IQSEC1: variants seen among roughly 807,000 people sequenced by gnomAD.
IQSEC1 encodes IQ motif and Sec7 domain ArfGEF 1.
Under a neutral mutation model 91.0 loss-of-function variants are expected in IQSEC1, and 31 were observed. The ratio of observed to expected loss-of-function variants is 0.34; its 90% CI spans 0.26 to 0.46. The LOEUF (loss-of-function observed/expected upper bound fraction) is 0.46. Among genes scored for constraint, IQSEC1 ranks in the 20% least tolerant of loss-of-function variants. The pLI is 1.00. For synonymous variants in IQSEC1, 699 were observed against 662.6 expected (o/e 1.05, Z -0.84); for missense variants, 1,388 against 1,575.6 (o/e 0.88, Z 2.02).
At chr3:12,941,918 G>A (rs543282666) in intron 1 of IQSEC1, 53 bp from the exon 2 acceptor site, 25 of 1,482,096 alleles carry the variant, frequency 1.7e-5, no homozygotes, top group Middle Eastern at 2.4e-4. Context: ...ATCTGAACAC[G>A]ACACCGGGCC....
chr3:13,091,905 T>C (rs1705867456), intron 2 of IQSEC1, among the ~76,000 whole-genome samples: 1 of 148,686 alleles, frequency 6.7e-6, no homozygotes, highest in African/African-American at 2.5e-5. Flanking sequence ...TCCTCTTTGG[T>C]CTGGGAGGGC....
chr3:13,096,866 T>TTG (rs1315647329), intron 2 of IQSEC1, among the ~76,000 whole-genome samples: 2 of 147,614 alleles, frequency 1.4e-5, no homozygotes, highest in Admixed American at 1.3e-4. Flanking sequence ...CTTTCTTTCT[T>TTG]TTTTTTTTTT....
intron 1 of IQSEC1, among the ~76,000 whole-genome samples, chr3:13,192,349 A>G (rs1044076002): frequency 1.8e-4 from 28 of 151,972 alleles, no homozygotes; most frequent in African/African-American, 6.8e-4. Flanking sequence ...AAAAAAAAAA[A>G]AAAAAGAAAA....
intron 2 of IQSEC1, among the ~76,000 whole-genome samples, chr3:13,125,517 C>A (rs531434437): frequency 6.6e-6 from 1 of 152,352 alleles, no homozygotes; most frequent in South Asian, 2.1e-4. Context: ...GGGAACCAGC[C>A]CGCCAGAGCT....
chr3:12,904,020 G>A (rs539862871), intron 12 of IQSEC1, among the ~76,000 whole-genome samples: 9 of 152,214 alleles, frequency 5.9e-5, no homozygotes, highest in Non-Finnish European at 1.2e-4. Flanking sequence ...GTTGGGCCCA[G>A]GAGCCTGGAA....
Position 13,282,986 on chromosome 3 carries a change from C to T in IQSEC1, c.-4G>A, listed in dbSNP as rs1392525129. Among the ~76,000 whole-genome samples, 46 of 145,878 alleles carry T rather than the reference C, an allele frequency of 3.2e-4. 3 individuals carry two copies. Among genetic ancestry groups the T allele is most frequent in the South Asian group, 2.5e-3 (12 of 4,796 alleles). ...GGGGCTCGGCGGCGCTGGCCATGGC[C>T]CCCCGCCCGGAGGCCGGCCGCGCCT... is the stretch of plus-strand genomic sequence containing the variant. On this transcript the variant is annotated 5_prime_UTR_variant, in exon 1 of 16. Transcript: ENST00000648114. The surrounding 1 kb of genome is among the most constrained non-coding windows in gnomAD (Gnocchi z 6.4).
rs918242184 is a variant in IQSEC1 at position 13,134,292 on chromosome 3, A to T, written c.302+29812T>A. 2.0e-5 allele frequency among the ~76,000 whole-genome samples: 3 copies of T among 152,198 alleles called. No homozygotes were observed. The East Asian group carries it at 5.8e-4, about 29-fold the overall frequency. On this transcript the variant is annotated intron_variant, in intron 2 of 15. Coordinates refer to the IQSEC1 transcript ENST00000648114. ...ATGTTCTCAGCCACCTTTGACCTCCAGGAGAAGTGAATAACTCCTCCTACC... is the reference window on the plus strand; with the variant it reads ...ATGTTCTCAGCCACCTTTGACCTCCTGGAGAAGTGAATAACTCCTCCTACC...
chr3:13,172,416 G>A (rs1225685836), intron 1 of IQSEC1, among the ~76,000 whole-genome samples: 1 of 152,214 alleles, frequency 6.6e-6, no homozygotes, highest in Non-Finnish European at 1.5e-5. Context: ...AAACAGGACA[G>A]GCCCAGAAAG....
chr3:13,045,672 G>A (rs1249664678), intron 1 of IQSEC1, among the ~76,000 whole-genome samples: 1 of 152,244 alleles, frequency 6.6e-6, no homozygotes, highest in Non-Finnish European at 1.5e-5. Flanking sequence ...TCCTGGGCTG[G>A]CCTCGAGCAG....
At chr3:13,092,704 T>C (rs1235424822) in intron 2 of IQSEC1, among the ~76,000 whole-genome samples, 1 of 152,128 alleles carries the variant, frequency 6.6e-6, no homozygotes, top group Non-Finnish European at 1.5e-5. Context: ...TGGTGTCTCC[T>C]CTATCAACCC....
intron 1 of IQSEC1, among the ~76,000 whole-genome samples, chr3:13,252,271 A>G (rs7643726): frequency 1.3e-5 from 2 of 152,086 alleles, no homozygotes; most frequent in Admixed American, 6.5e-5. Flanking sequence ...ACTCCAGGAC[A>G]CTCTTTATAA....
chr3:13,158,124 T>C (rs1707112915), intron 2 of IQSEC1, among the ~76,000 whole-genome samples: 1 of 152,216 alleles, frequency 6.6e-6, no homozygotes, highest in African/African-American at 2.4e-5. Flanking sequence ...TCCACCGTGC[T>C]AAGAAATGTC....
rs554556034 is a variant in IQSEC1 at position 13,089,233 on chromosome 3, T to C, written c.303-41711A>G. 1.3e-5 allele frequency among the ~76,000 whole-genome samples: 2 copies of C among 152,376 alleles called. 1 individual carries two copies. Reference sequence around the variant, plus strand: ...AACAACCCAAGTGTGCATCAACAGATGATGGATAAACAATGCGATCTGTCC... The same window carrying C: ...AACAACCCAAGTGTGCATCAACAGACGATGGATAAACAATGCGATCTGTCC... On this transcript the variant is annotated intron_variant, in intron 2 of 15. Coordinates refer to the IQSEC1 transcript ENST00000648114.
intron 1 of IQSEC1, among the ~76,000 whole-genome samples, chr3:13,229,886 A>G (rs1396162940): frequency 6.6e-6 from 1 of 152,198 alleles, no homozygotes; most frequent in African/African-American, 2.4e-5. Flanking sequence ...CGGTTTCTTC[A>G]TATGTCAAGT....
In IQSEC1 at chr3:12,984,815, A is replaced by ATTT. The variant is rs767194681; in HGVS notation, c.24-42953_24-42951dup. On this transcript the variant is annotated intron_variant, in intron 1 of 13. Coordinates refer to ENST00000613206, the MANE Select transcript of IQSEC1 (RefSeq NM_001134382.3). ...CTATTAACACTTTTAAAGCAATTAC[A>ATTT]TTTTTTTTTTTTTTTTTTTTTTTTT... 6.7e-4 allele frequency among the ~76,000 whole-genome samples: 69 copies of ATTT among 102,234 alleles called. 6 individuals carry two copies. The highest frequency in any genetic ancestry group is 1.8e-3 in the African/African-American group (39 of 21,842). The allele number at this position is 102,234 out of a possible 152,430, so 67.1% of individuals were successfully genotyped here.
intron 2 of IQSEC1, among the ~76,000 whole-genome samples, chr3:13,116,683 T>C (rs1399082639): frequency 6.6e-6 from 1 of 152,006 alleles, no homozygotes; most frequent in Non-Finnish European, 1.5e-5. Context: ...GGTGGATCGT[T>C]TGAGATCAGG....
At chr3:13,134,555 C>T (rs569930905) in intron 2 of IQSEC1, among the ~76,000 whole-genome samples, 26 of 152,232 alleles carry the variant, frequency 1.7e-4, no homozygotes, top group Non-Finnish European at 2.5e-4. Flanking sequence ...GCATCCGCAG[C>T]GCGAGCCCAG....
At chr3:13,268,448 G>A (rs2125140685) in intron 1 of IQSEC1, among the ~76,000 whole-genome samples, 1 of 152,290 alleles carries the variant, frequency 6.6e-6, no homozygotes, top group South Asian at 2.1e-4. Flanking sequence ...CTGTCTCCAG[G>A]AGAGAGCAGT....
chr3:13,137,079 T>C (rs1207219157), intron 2 of IQSEC1, among the ~76,000 whole-genome samples: 1 of 152,082 alleles, frequency 6.6e-6, no homozygotes, highest in Non-Finnish European at 1.5e-5. Context: ...GAGGCTGCAG[T>C]GAGCCATGAT....
Sources: gnomAD v4.1 joint callset for allele counts (sites outside exome capture counted in the v4.1 genomes callset) on GRCh38, gnomAD v4.1.1 for gene constraint, Gnocchi (gnomAD v3.1) non-coding constraint, MANE v1.5 for transcripts, NCBI Gene and HGNC (gene_info 2026-07-23, HGNC 2026-07-21) for gene names.